ASCC1: variants seen among roughly 807,000 people sequenced by gnomAD.
The protein encoded by ASCC1 is ASC-1 complex subunit P50.
ASCC1 carries 35 observed loss-of-function variants against 46.6 expected under a neutral mutation model. The ratio of observed to expected loss-of-function variants is 0.75; its 90% CI spans 0.57 to 0.99. ASCC1 has a LOEUF of 0.99. Among genes scored for constraint, ASCC1 ranks in the 50% least tolerant of loss-of-function variants. The pLI, the probability that ASCC1 is intolerant of heterozygous loss-of-function variation, is 0.00. For synonymous variants in ASCC1, 143 were observed against 146.6 expected, an observed-to-expected ratio of 0.98 and a Z score of 0.18; for missense variants, 376 against 428.7, an observed-to-expected ratio of 0.88 and a Z score of 1.09.
At chr10:72,185,665 G>T (rs1251102380) in intron 5 of ASCC1, among the ~76,000 whole-genome samples, 1 of 152,168 alleles carries the variant, frequency 6.6e-6, no homozygotes, top group African/African-American at 2.4e-5. Context: ...TGAGGGGATG[G>T]AGTGGGGATC....
chr10:72,199,354 G>A (rs1452527399), intron 4 of ASCC1, among the ~76,000 whole-genome samples: 1 of 144,904 alleles, frequency 6.9e-6, no homozygotes, highest in East Asian at 2.1e-4. Context: ...CTGGAGTGCA[G>A]TGGCACGATC....
intron 5 of ASCC1, among the ~76,000 whole-genome samples, chr10:72,184,285 T>C (rs1447016946): frequency 6.7e-6 from 1 of 149,356 alleles, no homozygotes; most frequent in Non-Finnish European, 1.5e-5. Flanking sequence ...AATAAGATGG[T>C]AGATTTAAAC....
intron 4 of ASCC1, chr10:72,198,526 AT>A: frequency 6.6e-6 from 3 of 455,424 alleles, no homozygotes; most frequent in Non-Finnish European, 1.3e-5. Context: ...AGCCTAGGCA[AT>A]TTACTGAAAC....
At chr10:72,163,255 A>G (rs1849920121) in intron 5 of ASCC1, among the ~76,000 whole-genome samples, 1 of 152,172 alleles carries the variant, frequency 6.6e-6, no homozygotes, top group Non-Finnish European at 1.5e-5. Flanking sequence ...TGACCCAGCA[A>G]TTCTACTCCT....
intron 5 of ASCC1, among the ~76,000 whole-genome samples, chr10:72,170,880 C>G (rs1215118488): frequency 6.6e-6 from 1 of 152,056 alleles, no homozygotes; most frequent in East Asian, 1.9e-4. Context: ...TGGTGCACGC[C>G]TATAGTCTCA....
intron 2 of ASCC1, among the ~76,000 whole-genome samples, chr10:72,211,513 C>T (rs1858104209): frequency 6.6e-6 from 1 of 152,024 alleles, no homozygotes; most frequent in South Asian, 2.1e-4. Flanking sequence ...TCATTTGAGC[C>T]CGGGAGGTGA....
chr10:72,112,709 T>A (rs1317872144), intron 9 of ASCC1, among the ~76,000 whole-genome samples: 2 of 151,494 alleles, frequency 1.3e-5, no homozygotes, highest in Non-Finnish European at 2.9e-5. Flanking sequence ...TGAAACCCCA[T>A]CTCTACTAAA....
rs145709543 is a variant in ASCC1, at chr10:72,194,903, C to T, written c.489+1908G>A. On this transcript the variant is annotated intron_variant, in intron 5 of 9. Transcript: ENST00000672957. ...GATTACAGATATGCGCCACCAGGCCCGGATAATTTTGTATTTTTAGTAGAG... is the reference window on the plus strand; with the variant it reads ...GATTACAGATATGCGCCACCAGGCCTGGATAATTTTGTATTTTTAGTAGAG... 9.0e-3 allele frequency among the ~76,000 whole-genome samples: 1,365 copies of T among 151,830 alleles called. 10 individuals carry two copies. Among genetic ancestry groups the T allele is most frequent in the Middle Eastern group, 0.041 (12 of 294 alleles).
Position 72,196,966 on chromosome 10 carries a change from C to G in ASCC1, c.334G>C (p.Gly112Arg). 1.2e-6 allele frequency: 2 copies of G among 1,613,600 alleles called. No individual in the cohort carries two copies. Among genetic ancestry groups the G allele is most frequent in the Non-Finnish European group, 1.7e-6 (2 of 1,180,006 alleles). Residue 112 changes from glycine to arginine, a missense_variant, in exon 5 of 10, where the codon GGT becomes CGT. Gly to Arg is a moderately radical substitution (Grantham distance 125). Transcript: ENST00000672957. ...ATCCGTGTTCGGGCTGAAATTACACCATTTCGATGCTGGCCAGTGATTACT... is the reference window on the plus strand; with the variant it reads ...ATCCGTGTTCGGGCTGAAATTACACGATTTCGATGCTGGCCAGTGATTACT... ...EIVITGQHRNGVISARTRIDV... is the reference protein window; with the variant it reads ...EIVITGQHRNRVISARTRIDV...
Position 72,161,817 on chromosome 10 carries a change from TCTC to T in ASCC1, c.490-146_490-144del, listed in dbSNP as rs1287538127. On this transcript the variant is annotated intron_variant, in intron 5 of 9. Transcript: ENST00000672957. Reference sequence around the variant, plus strand: ...TGCCAAGACCATTCAATAGAGAAAGTCTCCTCAATAAATGATGCTAGAACAATA... The same window carrying T: ...TGCCAAGACCATTCAATAGAGAAAGTCTCAATAAATGATGCTAGAACAATA... 1.9e-5 allele frequency: 16 copies of T among 862,276 alleles called. No homozygotes were observed. In the Admixed American group the frequency reaches 2.2e-4, roughly 12 times the overall value. The allele number at this position is 862,276 out of a possible 1,614,324, so 53.4% of individuals were successfully genotyped here.
intron 8 of ASCC1, among the ~76,000 whole-genome samples, chr10:72,132,027 C>A (rs556963185): frequency 1.6e-4 from 25 of 152,176 alleles, no homozygotes; most frequent in African/African-American, 5.3e-4. Context: ...TGCCACCACA[C>A]CCGGCTAATT....
intron 6 of ASCC1, among the ~76,000 whole-genome samples, chr10:72,160,200 G>T (rs1756924786): frequency 6.6e-6 from 1 of 152,050 alleles, no homozygotes. Context: ...CACTGTTCTT[G>T]GCTAAACAGT....
chr10:72,171,845 T>C (rs975510711), intron 5 of ASCC1, among the ~76,000 whole-genome samples: 10 of 152,254 alleles, frequency 6.6e-5, no homozygotes, highest in Admixed American at 5.2e-4. Flanking sequence ...GCCATTGTTC[T>C]GCCTGTCACA....
At chr10:72,188,789 G>T (rs1403498903) in intron 5 of ASCC1, among the ~76,000 whole-genome samples, 1 of 151,954 alleles carries the variant, frequency 6.6e-6, no homozygotes, top group Non-Finnish European at 1.5e-5. Flanking sequence ...TTGAGACAGG[G>T]TCTCACTCTG....
chr10:72,210,987 C>T (rs1307095243), intron 2 of ASCC1, among the ~76,000 whole-genome samples, 156 bp from the exon 3 acceptor site: 1 of 152,210 alleles, frequency 6.6e-6, no homozygotes, highest in African/African-American at 2.4e-5. Flanking sequence ...TGCTCTGATA[C>T]TCCTTCTGAC....
chr10:72,136,450 T>C (rs1053605681), intron 7 of ASCC1, among the ~76,000 whole-genome samples: 9 of 152,196 alleles, frequency 5.9e-5, no homozygotes, highest in African/African-American at 2.2e-4. Flanking sequence ...TAAAGGATTG[T>C]AAGCACACCA....
intron 5 of ASCC1, among the ~76,000 whole-genome samples, chr10:72,184,068 G>A (rs565848168): frequency 2.0e-4 from 31 of 151,700 alleles, no homozygotes; most frequent in East Asian, 5.9e-4. Flanking sequence ...CGCTTGAACC[G>A]GGGAGGCGGA....
intron 9 of ASCC1, among the ~76,000 whole-genome samples, chr10:72,124,923 C>G (rs74459116): frequency 0.025 from 3,843 of 152,130 alleles, 188 homozygotes; most frequent in African/African-American, 0.088. Flanking sequence ...GAGAATGATT[C>G]TAGTTGTCAG....
At chr10:72,161,264 T>C (rs908979611) in intron 6 of ASCC1, among the ~76,000 whole-genome samples, 1 of 152,142 alleles carries the variant, frequency 6.6e-6, no homozygotes, top group Non-Finnish European at 1.5e-5. Context: ...ATGTTTGAGT[T>C]ACTGTAATAG....
Sources: allele counts gnomAD v4.1 joint callset (sites outside exome capture counted in the v4.1 genomes callset), GRCh38; gene constraint gnomAD v4.1.1; transcripts MANE v1.5; gene names NCBI Gene and HGNC (gene_info 2026-07-23, HGNC 2026-07-21).